RSPO2: variants seen among roughly 807,000 people sequenced by gnomAD.
RSPO2 encodes the protein R-spondin-2.
Under a neutral mutation model 30.9 loss-of-function variants are expected in RSPO2, and 14 were observed. The ratio of observed to expected loss-of-function variants is 0.45; its 90% confidence interval spans 0.30 to 0.71. The LOEUF (loss-of-function observed/expected upper bound fraction) is 0.71. RSPO2 is among the 30% of genes least tolerant of loss of function. The probability of loss-of-function intolerance (pLI) is 0.08; values close to 1 mark genes in which losing one functional copy is unlikely to be tolerated. For synonymous variants in RSPO2, 107 were observed against 96.4 expected (o/e 1.11, Z -0.64); for missense variants, 264 against 301.9 (o/e 0.87, Z 0.93).
At chr8:107,999,083 A>G (rs1371700947) in intron 2 of RSPO2, among the ~76,000 whole-genome samples, 1 of 152,180 alleles carries the variant, frequency 6.6e-6, no homozygotes, top group Non-Finnish European at 1.5e-5. Flanking sequence ...GAATCTTTTT[A>G]TCTTTTCTTG....
At chr8:108,036,473 A>G (rs1160871744) in intron 2 of RSPO2, among the ~76,000 whole-genome samples, 1 of 152,238 alleles carries the variant, frequency 6.6e-6, no homozygotes, top group Non-Finnish European at 1.5e-5. Flanking sequence ...CTGAACTGTC[A>G]TTCAGGCAAG....
chr8:108,066,727 T>C (rs533487628), intron 2 of RSPO2, among the ~76,000 whole-genome samples: 3 of 152,268 alleles, frequency 2.0e-5, no homozygotes, highest in Admixed American at 6.5e-5. Flanking sequence ...CAGTTTTTAA[T>C]AGAAAATTTT....
At chr8:108,028,868 T>C (rs1256885865) in intron 2 of RSPO2, among the ~76,000 whole-genome samples, 1 of 152,120 alleles carries the variant, frequency 6.6e-6, no homozygotes, top group African/African-American at 2.4e-5. Context: ...TAGGAAGCTG[T>C]AAACTTGGCC....
At chr8:107,913,755 G>A (rs1811893561) in intron 5 of RSPO2, among the ~76,000 whole-genome samples, 1 of 152,046 alleles carries the variant, frequency 6.6e-6, no homozygotes, top group Non-Finnish European at 1.5e-5. Flanking sequence ...AATGAAATGA[G>A]TTCATGTCTC....
chr8:108,032,855 C>T (rs1053652713), intron 2 of RSPO2, among the ~76,000 whole-genome samples: 3 of 151,720 alleles, frequency 2.0e-5, no homozygotes, highest in East Asian at 3.9e-4. Flanking sequence ...GTCAGGAGAT[C>T]GAGACCATCC....
rs1046947387 is a variant in RSPO2 at position 108,083,359 on chromosome 8, G to A, written c.-332C>T. 6.6e-6 allele frequency: 1 copy of A among 152,294 alleles called. No individual in the cohort carries two copies. Among genetic ancestry groups the A allele is most frequent in the Non-Finnish European group, 1.5e-5 (1 of 68,132 alleles). 9.4% of individuals were successfully genotyped at this position (152,294 alleles called of 1,614,324 possible). On this transcript the variant is annotated 5_prime_UTR_variant, in exon 1 of 6. Transcript: ENST00000276659. ...TTCCAGCGGCCGCCGCGGGGTTGGC[G>A]ACGCCAGGCAGGAGCGCGGAGCGGC... is the stretch of plus-strand genomic sequence containing the variant.
At chr8:107,937,090 T>TA (rs1441856793) in intron 5 of RSPO2, among the ~76,000 whole-genome samples, 6 of 152,010 alleles carry the variant, frequency 3.9e-5, no homozygotes, top group Non-Finnish European at 7.4e-5. Flanking sequence ...GTGTTTTCCC[T>TA]ATTTTTTTAC....
At chr8:108,017,000 ATTTC>A (rs951594550) in intron 2 of RSPO2, among the ~76,000 whole-genome samples, 3 of 151,312 alleles carry the variant, frequency 2.0e-5, no homozygotes, top group Non-Finnish European at 3.0e-5. Context: ...AGTCTCAGAT[ATTTC>A]TTTCTTTTTC....
chr8:107,926,429 G>A (rs369962799), intron 5 of RSPO2, among the ~76,000 whole-genome samples: 3 of 151,998 alleles, frequency 2.0e-5, no homozygotes, highest in Admixed American at 6.6e-5. Context: ...GTCAATTTTG[G>A]CTTTTGTTGC....
chr8:108,035,663 G>A (rs7829999), intron 2 of RSPO2, among the ~76,000 whole-genome samples: 2,111 of 152,034 alleles, frequency 0.014, 52 homozygotes, highest in African/African-American at 0.047. Flanking sequence ...AGTAGAGATG[G>A]GGTTTCACCG....
In RSPO2 at chr8:107,913,420, T is replaced by C. The variant is rs77141218; in HGVS notation, c.617-12230A>G. ...GACGAGGATAACCAATGGTATATTT[T>C]GTTATTCCTACAGGACAAAGAAAGT... is the stretch of plus-strand genomic sequence containing the variant. On this transcript the variant is annotated intron_variant, in intron 5 of 5. Transcript: ENST00000276659. Among the ~76,000 whole-genome samples, 708 of 152,332 alleles carry C rather than the reference T, an allele frequency of 4.6e-3. 5 individuals carry two copies. Among genetic ancestry groups the C allele is most frequent in the African/African-American group, 0.013 (528 of 41,580 alleles).
intron 2 of RSPO2, among the ~76,000 whole-genome samples, chr8:108,061,327 G>A (rs902111637): frequency 4.6e-5 from 7 of 151,694 alleles, no homozygotes; most frequent in Non-Finnish European, 1.0e-4. Flanking sequence ...TCAAAATAAA[G>A]GGATGGAGGA....
At chr8:108,071,814 G>A (rs1041091420) in intron 2 of RSPO2, among the ~76,000 whole-genome samples, 2 of 152,156 alleles carry the variant, frequency 1.3e-5, no homozygotes, top group Non-Finnish European at 2.9e-5. Flanking sequence ...TCTTGTAGAC[G>A]TTCTTCCACC....
At chr8:108,017,811 G>A (rs867698366) in intron 2 of RSPO2, among the ~76,000 whole-genome samples, 1 of 152,174 alleles carries the variant, frequency 6.6e-6, no homozygotes, top group Non-Finnish European at 1.5e-5. Flanking sequence ...TGGAAATAAA[G>A]AAATTTCTAA....
intron 2 of RSPO2, among the ~76,000 whole-genome samples, chr8:108,063,436 T>C (rs1812544597): frequency 6.6e-6 from 1 of 151,854 alleles, no homozygotes; most frequent in African/African-American, 2.4e-5. Flanking sequence ...TCACAATTGC[T>C]TCAAAGAGAA....
rs184270450 is a variant in RSPO2, at chr8:107,925,748, G to A, written c.617-24558C>T. Among the ~76,000 whole-genome samples the A allele has an allele frequency of 5.3e-5, 8 of 152,268 alleles. No homozygotes were observed. In the East Asian group the frequency reaches 1.4e-3, roughly 26 times the overall value. On this transcript the variant is annotated intron_variant, in intron 5 of 5. Coordinates refer to ENST00000276659, the MANE Select transcript of RSPO2 (RefSeq NM_178565.5). ...AGGACATGAACTCATCCTTTCTTAT[G>A]GCTGCATAGTATTCCATGGTGCATA...
Position 108,056,236 on chromosome 8 carries a change from GCC to G in RSPO2, c.94+26307_94+26308del, listed in dbSNP as rs1586663191. Among the ~76,000 whole-genome samples, 9 of 152,214 alleles carry G rather than the reference GCC, an allele frequency of 5.9e-5. No homozygotes were observed. The East Asian group carries it at 1.7e-3, about 29-fold the overall frequency. ...CAGCAGAGAAGTTACCTTAGGCTAT[GCC>G]CGGAGTCTTATGCTCCACAGATGCT... is the stretch of plus-strand genomic sequence containing the variant. On this transcript the variant is annotated intron_variant, in intron 2 of 5. Coordinates refer to ENST00000276659, the MANE Select transcript of RSPO2 (RefSeq NM_178565.5).
chr8:107,937,615 G>GAAAA (rs34321211), intron 5 of RSPO2, among the ~76,000 whole-genome samples: 2,177 of 146,060 alleles, frequency 0.015, 25 homozygotes, highest in Non-Finnish European at 0.024. Flanking sequence ...TCATTTGAAG[G>GAAAA]AAAAAAAAAA....
At chr8:107,974,676 A>T (rs1814145742) in intron 3 of RSPO2, among the ~76,000 whole-genome samples, 1 of 151,652 alleles carries the variant, frequency 6.6e-6, no homozygotes, top group African/African-American at 2.4e-5. Flanking sequence ...GAGGGAAGAG[A>T]GGTGGGAGGG....
Sources: allele counts gnomAD v4.1 joint callset (sites outside exome capture counted in the v4.1 genomes callset), GRCh38; gene constraint gnomAD v4.1.1; transcripts MANE v1.5; gene names NCBI Gene and HGNC (gene_info 2026-07-23, HGNC 2026-07-21).